Variants in WWC1 observed in about 807,000 individuals in gnomAD.
WWC1 encodes the protein WW and C2 domain containing 1.
A neutral mutation model predicts 138.4 loss-of-function variants in WWC1; 55 were observed. That is an observed-to-expected ratio of 0.40 (90% CI 0.32 to 0.50). The LOEUF (loss-of-function observed/expected upper bound fraction) is 0.50. Ranked by LOEUF, WWC1 falls within the 20% of genes least tolerant of loss-of-function variation. WWC1 has a pLI of 0.72. For missense variants in WWC1, 1,226 were observed against 1,420.4 expected, an observed-to-expected ratio of 0.86 and a Z score of 2.20; for synonymous variants, 524 against 564.9, an observed-to-expected ratio of 0.93 and a Z score of 1.03.
At chr5:168,295,034 C>T (rs1487969933) in intron 1 of WWC1, among the ~76,000 whole-genome samples, 1 of 152,166 alleles carries the variant, frequency 6.6e-6, no homozygotes, top group Non-Finnish European at 1.5e-5. Context: ...CTCATGTCAA[C>T]TCTGGGGGTC....
intron 15 of WWC1, among the ~76,000 whole-genome samples, chr5:168,438,381 T>C (rs1337341385): frequency 4.6e-5 from 7 of 152,112 alleles, no homozygotes; most frequent in African/African-American, 1.7e-4. Context: ...TATAAGGGGC[T>C]TTTCCCACTT....
chr5:168,411,798 G>A (rs919821203), intron 8 of WWC1: 4 of 190,314 alleles, frequency 2.1e-5, no homozygotes, highest in Non-Finnish European at 3.9e-5. Context: ...CAGGACAGTT[G>A]GGGGTGGGCA....
chr5:168,377,792 G>T (rs900886202), intron 2 of WWC1, among the ~76,000 whole-genome samples: 2 of 152,220 alleles, frequency 1.3e-5, no homozygotes, highest in Admixed American at 1.3e-4. Context: ...AGATGCTGGT[G>T]AGGATGTGGA....
rs1179326157 is a variant in WWC1 at position 168,423,156 on chromosome 5, A to AT, written c.1275-377_1275-376insT. Among the ~76,000 whole-genome samples, 4 of 150,704 alleles carry AT rather than the reference A, an allele frequency of 2.7e-5. No homozygotes were observed. The South Asian group carries it at 6.3e-4, about 24-fold the overall frequency. ...CAAGACTCCATCCCCCCCCAAAAAA[A>AT]AAAAAAAAAAAAAAAACACAGTGAG... is the stretch of plus-strand genomic sequence containing the variant. On this transcript the variant is annotated intron_variant, in intron 10 of 22. Coordinates refer to ENST00000265293, the MANE Select transcript of WWC1 (RefSeq NM_015238.3).
At chr5:168,327,649 CTG>C (rs1772678567) in intron 1 of WWC1, among the ~76,000 whole-genome samples, 1 of 152,188 alleles carries the variant, frequency 6.6e-6, no homozygotes, top group South Asian at 2.1e-4. Flanking sequence ...CCCAGGGGCT[CTG>C]GATCTGCTTT....
rs11279828 is a variant in WWC1 at position 168,431,457 on chromosome 5, TCTGGCTGG to T, written c.2280+53_2280+60del. ...GGAAGAGTGCCTGGTAAGGGCCGTG[TCTGGCTGG>T]CTGGCTGGCTGGCTGGCTGGCTGGC... On this transcript the variant is annotated intron_variant, in intron 15 of 22. Coordinates refer to ENST00000265293, the MANE Select transcript of WWC1 (RefSeq NM_015238.3). 0.49 allele frequency: 674,880 copies of T among 1,391,104 alleles called. 162,812 individuals are homozygous for T. Among genetic ancestry groups the T allele is most frequent in the East Asian group, 0.66 (27,075 of 40,834 alleles). The allele number at this position is 1,391,104 out of a possible 1,614,324, so 86.2% of individuals were successfully genotyped here. A position where few individuals can be genotyped will look rare whatever the true frequency, so the allele number is the denominator to read the frequency against.
intron 2 of WWC1, among the ~76,000 whole-genome samples, chr5:168,384,961 A>G (rs1419916239): frequency 2.6e-5 from 4 of 151,994 alleles, no homozygotes; most frequent in African/African-American, 9.7e-5. Context: ...CAAGTGATCC[A>G]CCTGCCTCAG....
intron 1 of WWC1, chr5:168,316,690 G>A (rs1167856352): frequency 6.6e-6 from 1 of 152,256 alleles, no homozygotes; most frequent in South Asian, 2.1e-4. Context: ...TGCACAGCAG[G>A]CCCTAGCAAA....
intron 3 of WWC1, among the ~76,000 whole-genome samples, chr5:168,387,465 G>A (rs1256160196): frequency 6.6e-6 from 1 of 152,174 alleles, no homozygotes; most frequent in Middle Eastern, 3.2e-3. Flanking sequence ...TAATGTTCTG[G>A]AGACTTTTAG....
intron 1 of WWC1, among the ~76,000 whole-genome samples, chr5:168,332,680 A>T (rs1201448951): frequency 1.3e-5 from 2 of 151,664 alleles, no homozygotes; most frequent in African/African-American, 4.8e-5. Flanking sequence ...TTTGTGGGTT[A>T]CTTCTGTATG....
intron 1 of WWC1, among the ~76,000 whole-genome samples, chr5:168,300,012 A>C (rs1437252324): frequency 6.6e-6 from 1 of 152,156 alleles, no homozygotes; most frequent in African/African-American, 2.4e-5. Flanking sequence ...CCCTATCACC[A>C]GCTCCTCGCT....
At chr5:168,426,674 G>T (rs988214786) in intron 11 of WWC1, among the ~76,000 whole-genome samples, 1 of 152,232 alleles carries the variant, frequency 6.6e-6, no homozygotes, top group Non-Finnish European at 1.5e-5. Context: ...GGCATGGGAC[G>T]CAGGCTCAGC....
chr5:168,427,548 ATTT>A (rs34177139), intron 11 of WWC1, among the ~76,000 whole-genome samples: 35,680 of 101,162 alleles, frequency 0.35, 3,717 homozygotes, highest in East Asian at 0.49. Context: ...CTTTTTTTTA[ATTT>A]TTTTTTTTTT....
At chr5:168,444,298 G>A (rs2152874344) in intron 16 of WWC1, among the ~76,000 whole-genome samples, 196 bp from the exon 17 acceptor site, 1 of 152,320 alleles carries the variant, frequency 6.6e-6, no homozygotes, top group Non-Finnish European at 1.5e-5. Flanking sequence ...CTATTCTCTG[G>A]AGAACTGCTA....
chr5:168,359,677 G>GT (rs932481216), intron 1 of WWC1, among the ~76,000 whole-genome samples: 73 of 151,924 alleles, frequency 4.8e-4, no homozygotes, highest in African/African-American at 1.5e-3. Context: ...TTCAAGGTTA[G>GT]TTTTTTTTGT....
chr5:168,432,259 AC>A (rs369836218), intron 15 of WWC1, among the ~76,000 whole-genome samples: 245 of 152,250 alleles, frequency 1.6e-3, no homozygotes, highest in African/African-American at 5.6e-3. Context: ...CACCCGTAAA[AC>A]ACCTATTCAA....
intron 17 of WWC1, among the ~76,000 whole-genome samples, chr5:168,451,212 C>T (rs987556428): frequency 6.6e-6 from 1 of 151,928 alleles, no homozygotes; most frequent in Non-Finnish European, 1.5e-5. Flanking sequence ...AGAGGCAACT[C>T]GGTTTTATCA....
At chr5:168,360,935 C>A (rs1775834136) in intron 1 of WWC1, among the ~76,000 whole-genome samples, 1 of 152,226 alleles carries the variant, frequency 6.6e-6, no homozygotes, top group African/African-American at 2.4e-5. Flanking sequence ...GACAGCCCAG[C>A]ACCTGGGAAG....
intron 1 of WWC1, among the ~76,000 whole-genome samples, chr5:168,304,306 A>G (rs1336816681): frequency 6.6e-6 from 1 of 152,220 alleles, no homozygotes; most frequent in Non-Finnish European, 1.5e-5. Context: ...ATGCCTAAGA[A>G]GATAGACTTC....
Sources: gnomAD v4.1 joint callset for allele counts (sites outside exome capture counted in the v4.1 genomes callset) on GRCh38, gnomAD v4.1.1 for gene constraint, MANE v1.5 for transcripts, NCBI Gene and HGNC (gene_info 2026-07-23, HGNC 2026-07-21) for gene names.